Variants in ATP9A observed in about 807,000 individuals in gnomAD.
ATP9A encodes the protein ATPase phospholipid transporting 9A, also known as probable phospholipid-transporting ATPase IIA.
In ATP9A, 52 loss-of-function variants were observed where a neutral mutation model predicts 144.1. The observed-to-expected ratio is 0.36, with a 90% CI of 0.29 to 0.45. The LOEUF (loss-of-function observed/expected upper bound fraction) is 0.45. Ranked by LOEUF, ATP9A falls within the 20% of genes least tolerant of loss-of-function variation. ATP9A has a pLI of 1.00. For missense variants in ATP9A, 947 were observed against 1,392.7 expected (o/e 0.68, Z 5.09); for synonymous variants, 582 against 557.4 (o/e 1.04, Z -0.62).
At chr20:51,684,651 G>A (rs1326167869) in intron 9 of ATP9A, among the ~76,000 whole-genome samples, 2 of 140,646 alleles carry the variant, frequency 1.4e-5, no homozygotes, top group Non-Finnish European at 3.0e-5. Context: ...AGCCGAGATC[G>A]CACCGCTGCA....
intron 23 of ATP9A, among the ~76,000 whole-genome samples, chr20:51,613,023 G>C (rs2122714101): frequency 6.6e-6 from 1 of 152,216 alleles, no homozygotes; most frequent in Admixed American, 6.5e-5. Flanking sequence ...AGGTCCACCT[G>C]CCTGAGCTGA....
intron 2 of ATP9A, 139 bp downstream of exon 2, chr20:51,729,695 A>G (rs2077731652): frequency 3.1e-6 from 3 of 968,452 alleles, no homozygotes; most frequent in Non-Finnish European, 1.4e-6. Context: ...CAGTGAGCCA[A>G]GATTGCGCCA....
chr20:51,637,306 T>TTAAAA (rs757710809), intron 15 of ATP9A, among the ~76,000 whole-genome samples: 1 of 89,946 alleles, frequency 1.1e-5, no homozygotes, highest in African/African-American at 4.1e-5. Flanking sequence ...TCCCTAACAT[T>TTAAAA]AAAAAAAAAA....
chr20:51,685,025 A>AT (rs1348018217), intron 9 of ATP9A, among the ~76,000 whole-genome samples: 1 of 149,544 alleles, frequency 6.7e-6, no homozygotes. Context: ...AATAAAAAAA[A>AT]AAAAAAAAAA....
At position 51,676,299 on chromosome 20, in the gene ATP9A, G is replaced by T. The variant is rs971849673; in HGVS notation, c.800-91C>A. The stretch of plus-strand genomic sequence containing the variant: ...ATAGAAGAGTCTGATCCTCTTGAGA[G>T]ACTGGGTTCTTTTTTTTTTTTGAGA... On this transcript the variant is annotated intron_variant, in intron 9 of 27. Coordinates refer to ENST00000338821, the MANE Select transcript of ATP9A (RefSeq NM_006045.3). 36 of 1,005,194 alleles carry T rather than the reference G, an allele frequency of 3.6e-5. 1 individual carries two copies. Among genetic ancestry groups the T allele is most frequent in the Non-Finnish European group, 4.9e-5 (34 of 696,684 alleles). 62.3% of individuals were successfully genotyped at this position (1,005,194 alleles called of 1,614,324 possible). A position where few individuals can be genotyped will look rare whatever the true frequency, so the allele number is the denominator to read the frequency against.
Position 51,712,970 on chromosome 20 carries a change from T to A in ATP9A, c.432A>T (p.Ala144=). Residue 144 remains alanine (A), a synonymous_variant, in exon 4 of 28, where the codon GCA becomes GCT. Coordinates refer to ENST00000338821, the MANE Select transcript of ATP9A (RefSeq NM_006045.3). Reference sequence around the variant, plus strand: ...CCCAGGAGCCAGAAGGCTGACCTCGTGCTGTGAGCCGGCTGTAGACCTGGG... The same window carrying A: ...CCCAGGAGCCAGAAGGCTGACCTCGAGCTGTGAGCCGGCTGTAGACCTGGG... ...VNSQVYSRLT[A]RGTVKVKSSN... The A allele has an allele frequency of 9.9e-6, 16 of 1,609,076 alleles. No homozygotes were observed. The highest frequency in any genetic ancestry group is 1.3e-5 in the Non-Finnish European group (15 of 1,177,722).
intron 1 of ATP9A, among the ~76,000 whole-genome samples, chr20:51,765,822 T>C (rs1029507756): frequency 1.3e-5 from 2 of 151,918 alleles, no homozygotes; most frequent in Non-Finnish European, 2.9e-5. Flanking sequence ...CCGGGAGTGG[T>C]AGTGGGCACC....
chr20:51,604,113 G>A (rs1008941775), intron 27 of ATP9A, among the ~76,000 whole-genome samples: 2 of 152,164 alleles, frequency 1.3e-5, no homozygotes, highest in Non-Finnish European at 2.9e-5. Flanking sequence ...GTGCCTGGGC[G>A]TCTAGCACCT....
At chr20:51,618,510 G>T in intron 21 of ATP9A, 152 bp downstream of exon 21, 1 of 1,133,466 alleles carries the variant, frequency 8.8e-7, no homozygotes, top group Non-Finnish European at 1.2e-6. Flanking sequence ...AACAAAAAGA[G>T]CCAAAGTCTG....
At chr20:51,636,455 T>C (rs2077292568) in intron 15 of ATP9A, among the ~76,000 whole-genome samples, 1 of 152,224 alleles carries the variant, frequency 6.6e-6, no homozygotes, top group South Asian at 2.1e-4. Context: ...GGGCAATCTG[T>C]TATGAAGCAA....
At chr20:51,756,727 G>C (rs79166001) in intron 1 of ATP9A, among the ~76,000 whole-genome samples, 3,637 of 152,234 alleles carry the variant, frequency 0.024, 65 homozygotes, top group Non-Finnish European at 0.038. Context: ...TGAGGTGCTG[G>C]GGATTCCAGC....
At chr20:51,615,300 C>T (rs2077199004) in intron 22 of ATP9A, among the ~76,000 whole-genome samples, 1 of 152,170 alleles carries the variant, frequency 6.6e-6, no homozygotes, top group South Asian at 2.1e-4. Flanking sequence ...TCTATTTCAA[C>T]TTTTCCATTG....
chr20:51,742,258 G>A (rs1221914010), intron 1 of ATP9A, among the ~76,000 whole-genome samples: 1 of 150,980 alleles, frequency 6.6e-6, no homozygotes, highest in African/African-American at 2.4e-5. Flanking sequence ...CCGGGAAGTC[G>A]AGGCTGCAGT....
chr20:51,745,874 G>A (rs976476912), intron 1 of ATP9A, among the ~76,000 whole-genome samples: 4 of 151,990 alleles, frequency 2.6e-5, no homozygotes, highest in South Asian at 4.2e-4. Context: ...AAAGACACAC[G>A]CACACAAATG....
chr20:51,614,143 T>C (rs970069725), intron 22 of ATP9A, among the ~76,000 whole-genome samples: 2 of 152,134 alleles, frequency 1.3e-5, no homozygotes, highest in Non-Finnish European at 2.9e-5. Context: ...TTTTAAAACA[T>C]TCAGTTCCCT....
intron 13 of ATP9A, among the ~76,000 whole-genome samples, chr20:51,659,574 C>T (rs2426354): frequency 0.48 from 73,276 of 151,916 alleles, 18,357 homozygotes; most frequent in East Asian, 0.79. Context: ...AATCCACAGC[C>T]AACTGAATTG....
chr20:51,721,022 CAG>C, intron 3 of ATP9A, among the ~76,000 whole-genome samples: 1 of 152,188 alleles, frequency 6.6e-6, no homozygotes, highest in East Asian at 1.9e-4. Context: ...CAAAATGACT[CAG>C]AGCAGAAAAG....
At chr20:51,622,761 G>A (rs2077232048) in intron 18 of ATP9A, among the ~76,000 whole-genome samples, 1 of 152,160 alleles carries the variant, frequency 6.6e-6, no homozygotes, top group Non-Finnish European at 1.5e-5. Flanking sequence ...GTCCTAACCA[G>A]GCCCAGAATC....
chr20:51,695,756 T>C (rs759990797), intron 6 of ATP9A, among the ~76,000 whole-genome samples: 12 of 152,166 alleles, frequency 7.9e-5, no homozygotes, highest in Non-Finnish European at 1.8e-4. Flanking sequence ...AGGATTTCTG[T>C]TTACTTCTAC....
Sources: gnomAD v4.1 joint callset for allele counts (sites outside exome capture counted in the v4.1 genomes callset) on GRCh38, gnomAD v4.1.1 for gene constraint, MANE v1.5 for transcripts, NCBI Gene and HGNC (gene_info 2026-07-23, HGNC 2026-07-21) for gene names.